Variants in MALRD1 observed in about 807,000 individuals in gnomAD.
MALRD1 encodes MAM and LDL-receptor class A domain-containing protein 1.
Under a neutral mutation model 242.1 loss-of-function variants are expected in MALRD1, and 247 were observed. The ratio of observed to expected loss-of-function variants is 1.02; its 90% CI spans 0.92 to 1.13. The LOEUF (loss-of-function observed/expected upper bound fraction) is 1.13, where lower values mean the gene tolerates loss of function less well. Among genes scored for constraint, MALRD1 ranks in the 50% most tolerant of loss-of-function variants. The pLI is 0.00. For missense variants in MALRD1, 2,989 were observed against 2,533.1 expected, an observed-to-expected ratio of 1.18 and a Z score of -3.86; for synonymous variants, 995 against 866.6, an observed-to-expected ratio of 1.15 and a Z score of -2.60.
At chr10:19,062,438 A>G (rs1294800723) in intron 1 of MALRD1, among the ~76,000 whole-genome samples, 1 of 152,210 alleles carries the variant, frequency 6.6e-6, no homozygotes, top group Non-Finnish European at 1.5e-5. Flanking sequence ...TATATACCCC[A>G]AGGAAACCAA....
intron 36 of MALRD1, among the ~76,000 whole-genome samples, chr10:19,661,555 T>C (rs868737605): frequency 2.0e-5 from 3 of 152,146 alleles, no homozygotes; most frequent in Non-Finnish European, 4.4e-5. Context: ...AAACGCTGCA[T>C]GTTCTCACTC....
At chr10:19,463,835 A>T (rs565671024) in intron 29 of MALRD1, among the ~76,000 whole-genome samples, 1 of 152,270 alleles carries the variant, frequency 6.6e-6, no homozygotes, top group South Asian at 2.1e-4. Flanking sequence ...TCCCACCAGC[A>T]GTGTAAAAGT....
At chr10:19,167,670 G>A (rs553275023) in intron 13 of MALRD1, among the ~76,000 whole-genome samples, 2 of 152,120 alleles carry the variant, frequency 1.3e-5, no homozygotes, top group Non-Finnish European at 2.9e-5. Context: ...CTTACCTTTA[G>A]CCAGAGATAA....
chr10:19,389,469 G>T lies in MALRD1; in HGVS notation c.4705G>T (p.Glu1569Ter). 1 of 1,550,374 alleles carries T rather than the reference G, an allele frequency of 6.5e-7. No homozygotes were observed. The highest frequency in any genetic ancestry group is 8.7e-7 in the Non-Finnish European group (1 of 1,146,894). Residue 1569 changes from glutamate (E) to a stop codon, truncating the protein, a stop_gained, in exon 28 of 40, where the codon GAA becomes TAA. Transcript: ENST00000454679. LOFTEE classifies it high-confidence loss of function. ...GNENGHFMYL[E>*]ATAVGLRGDK... is the part of the protein sequence containing the mutation. Reference sequence around the variant, plus strand: ...GTTCCTAGGGCACTTCATGTATCTGGAAGCTACTGCAGTGGGCCTTCGGGG... The same window carrying T: ...GTTCCTAGGGCACTTCATGTATCTGTAAGCTACTGCAGTGGGCCTTCGGGG...
intron 31 of MALRD1, among the ~76,000 whole-genome samples, chr10:19,500,574 G>A (rs530452100): frequency 6.6e-6 from 1 of 152,274 alleles, no homozygotes; most frequent in Admixed American, 6.5e-5. Context: ...GTGTAATTTA[G>A]AGCAGAATAT....
chr10:19,450,927 C>T (rs886441108), intron 29 of MALRD1, among the ~76,000 whole-genome samples: 8 of 152,166 alleles, frequency 5.3e-5, no homozygotes, highest in Non-Finnish European at 1.2e-4. Context: ...TTCATGAGGG[C>T]TCTGCCCTCA....
At chr10:19,657,545 AT>A (rs34870768) in intron 36 of MALRD1, among the ~76,000 whole-genome samples, 4 of 150,620 alleles carry the variant, frequency 2.7e-5, no homozygotes, top group East Asian at 1.9e-4. Flanking sequence ...TTTTCTTAAC[AT>A]TTTTTTTTAG....
At chr10:19,386,922 A>C (rs1231586343) in intron 26 of MALRD1, among the ~76,000 whole-genome samples, 2 of 152,188 alleles carry the variant, frequency 1.3e-5, no homozygotes, top group African/African-American at 4.8e-5. Context: ...TTTGTAAACA[A>C]ATCTCTATGG....
chr10:19,281,692 C>T (rs1057427400), intron 20 of MALRD1, among the ~76,000 whole-genome samples: 5 of 152,020 alleles, frequency 3.3e-5, no homozygotes, highest in Non-Finnish European at 5.9e-5. Context: ...CATAACATGG[C>T]CAGGTGCAGT....
At chr10:19,520,264 G>A (rs1833820880) in intron 31 of MALRD1, among the ~76,000 whole-genome samples, 1 of 151,340 alleles carries the variant, frequency 6.6e-6, no homozygotes, top group African/African-American at 2.4e-5. Context: ...ATCCCAAAAT[G>A]TATAAAACTG....
chr10:19,334,439 C>T (rs1843519224), intron 24 of MALRD1, among the ~76,000 whole-genome samples: 1 of 150,980 alleles, frequency 6.6e-6, no homozygotes, highest in African/African-American at 2.4e-5. Context: ...TTTTTACCAC[C>T]AAGAGATGAC....
intron 29 of MALRD1, among the ~76,000 whole-genome samples, chr10:19,460,684 A>AC (rs1266046369): frequency 6.6e-6 from 1 of 152,152 alleles, no homozygotes; most frequent in African/African-American, 2.4e-5. Context: ...GTATGACTCT[A>AC]CCTAAAACAG....
At chr10:19,611,230 A>C (rs1838880041) in intron 35 of MALRD1, among the ~76,000 whole-genome samples, 1 of 151,948 alleles carries the variant, frequency 6.6e-6, no homozygotes, top group African/African-American at 2.4e-5. Context: ...AAGTCCCATA[A>C]GTCTTAAATG....
intron 31 of MALRD1, among the ~76,000 whole-genome samples, chr10:19,503,309 C>T (rs756473537): frequency 2.6e-5 from 4 of 152,150 alleles, no homozygotes; most frequent in Non-Finnish European, 5.9e-5. Context: ...ATTCAGTGAG[C>T]CTATGGTCTA....
At chr10:19,472,916 C>A (rs1836565791) in intron 29 of MALRD1, among the ~76,000 whole-genome samples, 1 of 151,078 alleles carries the variant, frequency 6.6e-6, no homozygotes, top group Non-Finnish European at 1.5e-5. Context: ...TTTCTGACTT[C>A]TAAATATAAT....
At chr10:19,238,744 T>G (rs932597629) in intron 18 of MALRD1, among the ~76,000 whole-genome samples, 1 of 149,880 alleles carries the variant, frequency 6.7e-6, no homozygotes, top group South Asian at 2.1e-4. Flanking sequence ...TGCTGGGTTA[T>G]GTGATCGAAT....
At chr10:19,691,388 G>A (rs1392822500) in intron 36 of MALRD1, among the ~76,000 whole-genome samples, 1 of 152,098 alleles carries the variant, frequency 6.6e-6, no homozygotes, top group African/African-American at 2.4e-5. Context: ...GTGATTAAGT[G>A]AAAATTCAAT....
rs191355426 is a variant in MALRD1, at chr10:19,672,272, C to T, written c.6138-20010C>T. 1.4e-3 allele frequency among the ~76,000 whole-genome samples: 217 copies of T among 152,052 alleles called. 2 individuals carry two copies. The East Asian group carries it at 0.034, about 24-fold the overall frequency. ...AGTGGAATTGCTCTTAAATCTCTCTCTCTATATATATAATATTATATTACT... is the reference window on the plus strand; with the variant it reads ...AGTGGAATTGCTCTTAAATCTCTCTTTCTATATATATAATATTATATTACT... On this transcript the variant is annotated intron_variant, in intron 36 of 39. Coordinates refer to ENST00000454679, the MANE Select transcript of MALRD1 (RefSeq NM_001142308.3).
At chr10:19,636,598 G>A (rs1016890290) in intron 36 of MALRD1, among the ~76,000 whole-genome samples, 1 of 152,076 alleles carries the variant, frequency 6.6e-6, no homozygotes, top group Non-Finnish European at 1.5e-5. Flanking sequence ...GGGTTGAAAT[G>A]TATTTCAACC....
Sources: gnomAD v4.1 joint callset for allele counts (sites outside exome capture counted in the v4.1 genomes callset) on GRCh38, gnomAD v4.1.1 for gene constraint, MANE v1.5 for transcripts, NCBI Gene and HGNC (gene_info 2026-07-23, HGNC 2026-07-21) for gene names.